Variants in OSTN observed in about 807,000 individuals in gnomAD.
OSTN encodes osteocrin.
In OSTN, 9 loss-of-function variants were observed where a neutral mutation model predicts 12.0. That is an observed-to-expected ratio of 0.75 (90% CI 0.45 to 1.30). OSTN has a LOEUF of 1.30. Among genes scored for constraint, OSTN ranks in the 50% most tolerant of loss-of-function variants. The pLI, the probability that OSTN is intolerant of heterozygous loss-of-function variation, is 0.00. For missense variants in OSTN, 148 were observed against 152.3 expected, an observed-to-expected ratio of 0.97 and a Z score of 0.15; for synonymous variants, 59 against 56.9, an observed-to-expected ratio of 1.04 and a Z score of -0.16.
chr3:191,255,841 T>C (rs924703272), intron 4 of OSTN, among the ~76,000 whole-genome samples: 2 of 152,090 alleles, frequency 1.3e-5, no homozygotes, highest in African/African-American at 4.8e-5. Flanking sequence ...TGCTTGATGT[T>C]GCGTTAGCAG....
intron 1 of OSTN, among the ~76,000 whole-genome samples, chr3:191,210,509 G>T (rs181464246): frequency 4.3e-4 from 65 of 152,306 alleles, no homozygotes; most frequent in African/African-American, 1.5e-3. Context: ...GAAGGGGTAT[G>T]CATGAATCGA....
At position 191,241,167 on chromosome 3, in the gene OSTN, CTTTTTTT is replaced by C. The variant is rs575332839; in HGVS notation, c.318-8847_318-8841del. Among the ~76,000 whole-genome samples the C allele has an allele frequency of 4.4e-3, 206 of 46,434 alleles. 2 individuals are homozygous for C. Among genetic ancestry groups the C allele is most frequent in the African/African-American group, 8.5e-3 (161 of 18,934 alleles). 30.5% of individuals were successfully genotyped at this position (46,434 alleles called of 152,430 possible). A position where few individuals can be genotyped will look rare whatever the true frequency, so the allele number is the denominator to read the frequency against. On this transcript the variant is annotated intron_variant, in intron 3 of 4. Coordinates refer to ENST00000682035, the MANE Select transcript of OSTN (RefSeq NM_198184.2). ...AAGTTGGTGGAGCTCTGTGCCTTGA[CTTTTTTT>C]TTTTTTTTTTTTTTTTTTTTTTGAG...
chr3:191,211,451 G>A (rs1040157082), intron 1 of OSTN, among the ~76,000 whole-genome samples: 1 of 152,136 alleles, frequency 6.6e-6, no homozygotes, highest in African/African-American at 2.4e-5. Flanking sequence ...TATATACCAT[G>A]AGGCTATGAA....
At chr3:191,220,982 T>C (rs1714747024) in intron 3 of OSTN, among the ~76,000 whole-genome samples, 1 of 152,156 alleles carries the variant, frequency 6.6e-6, no homozygotes. Context: ...TCTCCATGTA[T>C]CATAGGAGGG....
At chr3:191,245,129 A>T (rs1425350120) in intron 3 of OSTN, among the ~76,000 whole-genome samples, 1 of 152,194 alleles carries the variant, frequency 6.6e-6, no homozygotes, top group Non-Finnish European at 1.5e-5. Flanking sequence ...CAAATTGAAA[A>T]CCACTGGACT....
chr3:191,238,463 T>C (rs1715250548), intron 3 of OSTN, among the ~76,000 whole-genome samples: 1 of 152,178 alleles, frequency 6.6e-6, no homozygotes, highest in Non-Finnish European at 1.5e-5. Flanking sequence ...CAATTATGCA[T>C]TCTCTCATGC....
In OSTN at chr3:191,263,235, G is replaced by C. The variant is rs111813588; in HGVS notation, c.*382G>C. 3 of 185,074 alleles carry C rather than the reference G, an allele frequency of 1.6e-5. No homozygotes were observed. The highest frequency in any genetic ancestry group is 3.3e-5 in the Non-Finnish European group (3 of 89,796). The allele number at this position is 185,074 out of a possible 1,614,324, so 11.5% of individuals were successfully genotyped here. A position where few individuals can be genotyped will look rare whatever the true frequency, so the allele number is the denominator to read the frequency against. ...GACAGATTTGCTTCTGTAAAATTTA[G>C]TTATAATCTGTCCATTATTGGGGAA... On this transcript the variant is annotated 3_prime_UTR_variant, in exon 5 of 5. Transcript: ENST00000682035.
At chr3:191,239,541 C>CTAA (rs1715275320) in intron 3 of OSTN, among the ~76,000 whole-genome samples, 1 of 152,170 alleles carries the variant, frequency 6.6e-6, no homozygotes, top group African/African-American at 2.4e-5. Flanking sequence ...GTCCATGTGG[C>CTAA]TAATTCCTTG....
intron 3 of OSTN, among the ~76,000 whole-genome samples, chr3:191,220,885 C>T (rs1035666952): frequency 1.3e-5 from 2 of 151,942 alleles, no homozygotes; most frequent in Non-Finnish European, 2.9e-5. Flanking sequence ...TGCGTAAATA[C>T]TATATAATTT....
intron 1 of OSTN, among the ~76,000 whole-genome samples, chr3:191,200,535 G>A (rs1474274698): frequency 2.0e-5 from 3 of 152,002 alleles, no homozygotes; most frequent in South Asian, 2.1e-4. Context: ...TAAAGAACTC[G>A]AAGTAAGAAA....
At chr3:191,212,091 A>G (rs1362473997) in intron 1 of OSTN, among the ~76,000 whole-genome samples, 1 of 152,170 alleles carries the variant, frequency 6.6e-6, no homozygotes, top group Non-Finnish European at 1.5e-5. Context: ...GTGTTTTGAA[A>G]TTTTGAATTT....
Position 191,265,064 on chromosome 3 carries a change from C to T in OSTN, c.*2211C>T, listed in dbSNP as rs752067389. 1 of 152,094 alleles carries T rather than the reference C, an allele frequency of 6.6e-6. No homozygotes were observed. Among genetic ancestry groups the T allele is most frequent in the Non-Finnish European group, 1.5e-5 (1 of 67,968 alleles). 9.4% of individuals were successfully genotyped at this position (152,094 alleles called of 1,614,324 possible). A position where few individuals can be genotyped will look rare whatever the true frequency, so the allele number is the denominator to read the frequency against. The stretch of plus-strand genomic sequence containing the variant: ...TTTTAATTTTTACCACTACTTCATT[C>T]AGAGTAGAAAATAAGTCAGCAATAT... On this transcript the variant is annotated 3_prime_UTR_variant, in exon 5 of 5. Coordinates refer to ENST00000682035, the MANE Select transcript of OSTN (RefSeq NM_198184.2).
chr3:191,200,333 C>T (rs1239059170), intron 1 of OSTN, among the ~76,000 whole-genome samples: 1 of 152,074 alleles, frequency 6.6e-6, no homozygotes, highest in Non-Finnish European at 1.5e-5. Flanking sequence ...TTGACATTTG[C>T]TTTCTCCCCC....
intron 3 of OSTN, among the ~76,000 whole-genome samples, chr3:191,234,843 TC>T (rs75619827): frequency 0.047 from 7,068 of 151,994 alleles, 249 homozygotes; most frequent in Middle Eastern, 0.12. Flanking sequence ...TATTCTGTCT[TC>T]CCCAAATTAT....
At chr3:191,232,517 TATATAA>T (rs1380820098) in intron 3 of OSTN, among the ~76,000 whole-genome samples, 1 of 150,028 alleles carries the variant, frequency 6.7e-6, no homozygotes, top group African/African-American at 2.4e-5. Flanking sequence ...TATATATATA[TATATAA>T]AATTATGTTT....
chr3:191,232,888 T>A (rs1715096619), intron 3 of OSTN, among the ~76,000 whole-genome samples: 1 of 152,144 alleles, frequency 6.6e-6, no homozygotes, highest in Admixed American at 6.6e-5. Flanking sequence ...GTGCTGGGAT[T>A]ACTGGTGTGA....
intron 3 of OSTN, among the ~76,000 whole-genome samples, chr3:191,249,443 A>G (rs1715509840): frequency 6.6e-6 from 1 of 152,240 alleles, no homozygotes; most frequent in South Asian, 2.1e-4. Flanking sequence ...CTTCATTTTA[A>G]TAATGAAGAT....
chr3:191,247,406 A>G (rs1430503121), intron 3 of OSTN, among the ~76,000 whole-genome samples: 3 of 152,336 alleles, frequency 2.0e-5, no homozygotes, highest in Non-Finnish European at 4.4e-5. Context: ...GAAGGGAGGC[A>G]AGGGTGTAGC....
At chr3:191,224,011 A>C (rs1318004860) in intron 3 of OSTN, among the ~76,000 whole-genome samples, 1 of 152,174 alleles carries the variant, frequency 6.6e-6, no homozygotes, top group Non-Finnish European at 1.5e-5. Flanking sequence ...AAAAAAAATA[A>C]CTTAAAAATG....
Sources: gnomAD v4.1 joint callset for allele counts (sites outside exome capture counted in the v4.1 genomes callset) on GRCh38, gnomAD v4.1.1 for gene constraint, MANE v1.5 for transcripts, NCBI Gene and HGNC (gene_info 2026-07-23, HGNC 2026-07-21) for gene names.